The following SUGP1 variants were observed in gnomAD, a reference collection of about 807,000 sequenced individuals.
The protein encoded by SUGP1 is SURP and G-patch domain containing 1.
SUGP1 carries 34 observed loss-of-function variants against 76.5 expected under a neutral mutation model. That is an observed-to-expected ratio of 0.44 (90% CI 0.34 to 0.59). SUGP1 has a LOEUF of 0.59. Ranked by LOEUF, SUGP1 falls within the 20% of genes least tolerant of loss-of-function variation. The probability of loss-of-function intolerance (pLI) is 0.01; values close to 1 mark genes in which losing one functional copy is unlikely to be tolerated. For missense variants in SUGP1, 752 were observed against 851.7 expected, an observed-to-expected ratio of 0.88 and a Z score of 1.46; for synonymous variants, 326 against 326.2, an observed-to-expected ratio of 1.00 and a Z score of 0.01.
At chr19:19,279,656 C>T (rs571220458) in intron 9 of SUGP1, among the ~76,000 whole-genome samples, 27 of 152,136 alleles carry the variant, frequency 1.8e-4, no homozygotes, top group African/African-American at 4.1e-4. Flanking sequence ...GGTGATGTGA[C>T]GGGGCTGCGG....
At chr19:19,287,659 A>C (rs1345218309) in intron 8 of SUGP1, among the ~76,000 whole-genome samples, 1 of 152,234 alleles carries the variant, frequency 6.6e-6, no homozygotes, top group Non-Finnish European at 1.5e-5. Flanking sequence ...CTTCCAAATG[A>C]GTGCCAGATG....
At chr19:19,299,894 C>T (rs1163504279) in intron 7 of SUGP1, among the ~76,000 whole-genome samples, 1 of 151,892 alleles carries the variant, frequency 6.6e-6, no homozygotes, top group Admixed American at 6.6e-5. Flanking sequence ...CGGGTTCAAG[C>T]CATTCTCCTG....
At chr19:19,279,803 C>G (rs1232662264) in intron 9 of SUGP1, among the ~76,000 whole-genome samples, 1 of 152,202 alleles carries the variant, frequency 6.6e-6, no homozygotes, top group African/African-American at 2.4e-5. Context: ...CTGTGCTGAC[C>G]AGGATGGTCC....
At chr19:19,308,638 G>A (rs867394647) in intron 3 of SUGP1, among the ~76,000 whole-genome samples, 17 of 152,352 alleles carry the variant, frequency 1.1e-4, no homozygotes, top group East Asian at 1.9e-4. Flanking sequence ...CAGGTGTCTC[G>A]GGCCAGCCCG....
chr19:19,280,024 G>A (rs949129989), intron 9 of SUGP1, among the ~76,000 whole-genome samples, 161 bp downstream of exon 9: 3 of 152,208 alleles, frequency 2.0e-5, no homozygotes, highest in African/African-American at 7.2e-5. Flanking sequence ...TGGGGCAGGG[G>A]GACCTGCCTG....
At chr19:19,316,217 T>C in intron 2 of SUGP1, 1 of 619,202 alleles carries the variant, frequency 1.6e-6, no homozygotes, top group Non-Finnish European at 2.8e-6. Flanking sequence ...GTGGATGAGT[T>C]GGCAGGCTGT....
At chr19:19,316,316 T>C in intron 2 of SUGP1, 106 bp downstream of exon 2, 2 of 1,392,756 alleles carry the variant, frequency 1.4e-6, no homozygotes, top group Non-Finnish European at 2.0e-6. Context: ...CATCAGGCTA[T>C]GGCTGGGTGC....
chr19:19,289,763 C>A (rs1014438133), intron 8 of SUGP1, among the ~76,000 whole-genome samples: 2 of 151,848 alleles, frequency 1.3e-5, no homozygotes, highest in Non-Finnish European at 2.9e-5. Context: ...AAACAAAAAA[C>A]AAAAAACAAT....
At chr19:19,297,923 T>C (rs928657209) in intron 7 of SUGP1, among the ~76,000 whole-genome samples, 5 of 152,190 alleles carry the variant, frequency 3.3e-5, no homozygotes, top group African/African-American at 1.2e-4. Context: ...CAGGTGGCGC[T>C]GGGTTCAGAG....
At chr19:19,312,740 C>G (rs1307258331) in intron 2 of SUGP1, among the ~76,000 whole-genome samples, 2 of 152,128 alleles carry the variant, frequency 1.3e-5, no homozygotes, top group Non-Finnish European at 2.9e-5. Flanking sequence ...GTAATCCCAG[C>G]ACTTTGGGAG....
intron 4 of SUGP1, 77 bp downstream of exon 4, chr19:19,305,772 T>C: frequency 2.1e-6 from 3 of 1,443,364 alleles, no homozygotes; most frequent in Non-Finnish European, 9.4e-7. Flanking sequence ...CTGGCAGCAC[T>C]TGCCCTGCCC....
intron 8 of SUGP1, among the ~76,000 whole-genome samples, chr19:19,296,660 A>C (rs927009032): frequency 6.6e-6 from 1 of 152,058 alleles, no homozygotes; most frequent in African/African-American, 2.4e-5. Context: ...AAAAAAAAGA[A>C]AAAAGAAAAA....
intron 1 of SUGP1, among the ~76,000 whole-genome samples, chr19:19,319,198 G>A (rs1437514349): frequency 1.3e-5 from 2 of 152,058 alleles, no homozygotes; most frequent in Admixed American, 1.3e-4. Flanking sequence ...CTCCAGCCTG[G>A]GCGACAGAGC....
chr19:19,303,617 G>T, intron 5 of SUGP1, 107 bp downstream of exon 5: 2 of 1,460,328 alleles, frequency 1.4e-6, no homozygotes, highest in Admixed American at 1.7e-5. Flanking sequence ...ATCAGAAAAC[G>T]CTTGGAACAG....
chr19:19,312,038 A>G (rs1681310017), intron 2 of SUGP1, among the ~76,000 whole-genome samples: 1 of 152,122 alleles, frequency 6.6e-6, no homozygotes, highest in Non-Finnish European at 1.5e-5. Context: ...AGAAAAACTG[A>G]AATAAGCCTA....
chr19:19,290,190 T>G (rs1490119904), intron 8 of SUGP1, among the ~76,000 whole-genome samples: 1 of 152,138 alleles, frequency 6.6e-6, no homozygotes, highest in Non-Finnish European at 1.5e-5. Flanking sequence ...GAAATTACCC[T>G]TCAGTTTCCT....
intron 4 of SUGP1, 32 bp downstream of exon 4, chr19:19,305,817 G>A (rs146562227): frequency 1.9e-6 from 3 of 1,570,528 alleles, no homozygotes; most frequent in Non-Finnish European, 2.6e-6. Flanking sequence ...ACGGGCACTG[G>A]TGGTGGGGGA....
chr19:19,296,923 A>T, intron 8 of SUGP1, 66 bp downstream of exon 8: 1 of 1,322,862 alleles, frequency 7.6e-7, no homozygotes, highest in Non-Finnish European at 1.0e-6. Flanking sequence ...TGAACCTTGA[A>T]GACATTATGC....
Position 19,302,255 on chromosome 19 carries a change from C to T in SUGP1, c.887+10G>A, listed in dbSNP as rs779928463. On this transcript the variant is annotated intron_variant, in intron 7 of 13. Coordinates refer to ENST00000247001, the MANE Select transcript of SUGP1 (RefSeq NM_172231.4). ...GGTGACGGTCACCTCCCTGGCAGGGCCCCCCTTACCTGAATGCCTGGTTCT... is the reference window on the plus strand; with the variant it reads ...GGTGACGGTCACCTCCCTGGCAGGGTCCCCCTTACCTGAATGCCTGGTTCT... The T allele has an allele frequency of 3.7e-6, 6 of 1,613,754 alleles. No individual in the cohort carries two copies. The highest frequency in any genetic ancestry group is 5.1e-6 in the Non-Finnish European group (6 of 1,179,768).
Sources: allele counts gnomAD v4.1 joint callset (sites outside exome capture counted in the v4.1 genomes callset), GRCh38; gene constraint gnomAD v4.1.1; transcripts MANE v1.5; gene names NCBI Gene and HGNC (gene_info 2026-07-23, HGNC 2026-07-21).